TRIP12: variants seen among roughly 807,000 people sequenced by gnomAD.
TRIP12 encodes the protein thyroid hormone receptor interactor 12.
TRIP12 carries 25 observed loss-of-function variants against 244.2 expected under a neutral mutation model. That is an observed-to-expected ratio of 0.10 (90% CI 0.07 to 0.14). TRIP12 has a LOEUF of 0.14. TRIP12 is among the 10% of genes least tolerant of loss of function. TRIP12 has a pLI of 1.00. For synonymous variants in TRIP12, 905 were observed against 873.1 expected, an observed-to-expected ratio of 1.04 and a Z score of -0.64; for missense variants, 1,677 against 2,486.4, an observed-to-expected ratio of 0.67 and a Z score of 6.92.
At chr2:229,788,976 A>T in intron 31 of TRIP12, 36 bp from the exon 32 acceptor site, 2 of 1,549,342 alleles carry the variant, frequency 1.3e-6, no homozygotes, top group South Asian at 2.4e-5. Context: ...GTCTACATGT[A>T]GTAAAATATT....
intron 4 of TRIP12, among the ~76,000 whole-genome samples, chr2:229,847,778 C>T (rs1328460228): frequency 6.6e-6 from 1 of 152,174 alleles, no homozygotes; most frequent in Non-Finnish European, 1.5e-5. Flanking sequence ...ATCCTCAGAT[C>T]CTCTCCCACA....
chr2:229,913,758 T>C (rs1474135510), intron 1 of TRIP12, among the ~76,000 whole-genome samples: 3 of 152,216 alleles, frequency 2.0e-5, no homozygotes, highest in African/African-American at 2.4e-5. Context: ...ATGCATTATG[T>C]TGGAAGCCTT....
At chr2:229,776,693 C>T (rs1029035722) in intron 37 of TRIP12, among the ~76,000 whole-genome samples, 2 of 152,076 alleles carry the variant, frequency 1.3e-5, no homozygotes, top group Non-Finnish European at 2.9e-5. Flanking sequence ...CTTTTTGGGT[C>T]TGTGCCACAA....
chr2:229,804,800 T>C (rs938119712), intron 18 of TRIP12, among the ~76,000 whole-genome samples: 1 of 152,236 alleles, frequency 6.6e-6, no homozygotes, highest in Non-Finnish European at 1.5e-5. Context: ...TGTTCACATA[T>C]TGTATATGGC....
intron 26 of TRIP12, among the ~76,000 whole-genome samples, chr2:229,794,125 G>T (rs779162644): frequency 6.6e-6 from 1 of 152,048 alleles, no homozygotes; most frequent in African/African-American, 2.4e-5. Context: ...AAATCATAAC[G>T]ATCAAAACTG....
chr2:229,790,992 G>A (rs575457836), intron 30 of TRIP12, 132 bp downstream of exon 30: 1 of 1,159,736 alleles, frequency 8.6e-7, no homozygotes, highest in African/African-American at 1.5e-5. Flanking sequence ...TGATCAAACT[G>A]TTTGTAATGT....
chr2:229,810,351 T>C (rs1421722369), intron 15 of TRIP12, among the ~76,000 whole-genome samples: 1 of 152,072 alleles, frequency 6.6e-6, no homozygotes, highest in African/African-American at 2.4e-5. Context: ...TGTGTAAAGG[T>C]TTAGAAATAC....
rs1454132755 is a variant in TRIP12, at chr2:229,807,718, C to T, written c.2486G>A (p.Arg829Gln). Residue 829 changes from arginine to glutamine, a missense_variant, in exon 17 of 42, where the codon CGG becomes CAG. By Grantham distance (43) the Arg-to-Gln change is conservative (BLOSUM62 1). Around this residue, in one of 11 missense-constraint regions of TRIP12, gnomAD observed 572 missense variants for 867.8 expected, o/e 0.66. Coordinates refer to ENST00000675903, the MANE Select transcript of TRIP12 (RefSeq NM_001348323.3). Reference sequence around the variant, plus strand: ...CGATGAAACTACTACCTCAATGATCCGGCTGTCAATCCTGTTATATGGATG... The same window carrying T: ...CGATGAAACTACTACCTCAATGATCTGGCTGTCAATCCTGTTATATGGATG... ...LWHPYNRIDS[R>Q]IIEAAHQVGE... The T allele has an allele frequency of 3.1e-6, 5 of 1,614,110 alleles. No homozygotes were observed. Among genetic ancestry groups the T allele is most frequent in the East Asian group, 2.2e-5 (1 of 44,878 alleles).
intron 1 of TRIP12, among the ~76,000 whole-genome samples, chr2:229,914,062 G>A (rs917788751): frequency 6.6e-6 from 1 of 152,048 alleles, no homozygotes; most frequent in Non-Finnish European, 1.5e-5. Context: ...GAGGTCAGGA[G>A]TTGGAGACCA....
At chr2:229,916,119 G>T (rs750055703) in intron 1 of TRIP12, among the ~76,000 whole-genome samples, 91 of 152,316 alleles carry the variant, frequency 6.0e-4, no homozygotes, top group Non-Finnish European at 1.0e-3. Context: ...CAATTCATCT[G>T]TGGAGCCTAA....
chr2:229,767,381 G>T lies in TRIP12; in HGVS notation c.*173C>A. On this transcript the variant is annotated 3_prime_UTR_variant, in exon 42 of 42. Transcript: ENST00000675903. ...ACGTTTTAGGGCCTGATCACTTTAAGTCCATGGGGCCATTAATGAATATCA... is the reference window on the plus strand; with the variant it reads ...ACGTTTTAGGGCCTGATCACTTTAATTCCATGGGGCCATTAATGAATATCA... 3.1e-6 allele frequency: 2 copies of T among 648,046 alleles called. No individual in the cohort carries two copies. Among genetic ancestry groups the T allele is most frequent in the Non-Finnish European group, 4.7e-6 (2 of 424,164 alleles). 40.1% of individuals were successfully genotyped at this position (648,046 alleles called of 1,614,324 possible).
Position 229,799,038 on chromosome 2 carries a change from T to C in TRIP12, c.3319A>G (p.Thr1107Ala), listed in dbSNP as rs1315633081. 5 of 1,613,736 alleles carry C rather than the reference T, an allele frequency of 3.1e-6. No homozygotes were observed. In the African/African-American group the frequency reaches 4.0e-5, roughly 13 times the overall value. The change falls in exon 23 of 42, where the codon ACC becomes GCC. Residue 1107 changes from threonine (T) to alanine (A), a missense_variant. This residue lies in a region of TRIP12 where 572 missense variants were observed against 867.8 expected (regional missense o/e 0.66). Coordinates refer to ENST00000675903, the MANE Select transcript of TRIP12 (RefSeq NM_001348323.3). The part of the protein sequence containing the change: ...DKVDNQAKSP[T>A]TTQSPKSSFL... ...GAAGATTTAGGTGACTGAGTAGTGG[T>C]GGGGCTTTTAGCTATGAAAAGAAAA...
chr2:229,846,688 G>T (rs1026025357), intron 4 of TRIP12, among the ~76,000 whole-genome samples: 1 of 151,982 alleles, frequency 6.6e-6, no homozygotes, highest in African/African-American at 2.4e-5. Context: ...AAAATGAAAA[G>T]TAATCTATGA....
chr2:229,798,582 G>A (rs1165372198), intron 23 of TRIP12, among the ~76,000 whole-genome samples: 2 of 152,100 alleles, frequency 1.3e-5, no homozygotes, highest in Non-Finnish European at 2.9e-5. Context: ...TTCCTTGTCT[G>A]GAACAAAACT....
rs536586569 is a variant in TRIP12, at chr2:229,769,328, G to GT, written c.5809-4dup. ...CTGCCACAAAGGAGCTGATCCAGCTGTGAGTTTAAATAAGGGTAAAAAGAA... is the reference window on the plus strand; with the variant it reads ...CTGCCACAAAGGAGCTGATCCAGCTGTTGAGTTTAAATAAGGGTAAAAAGAA... On this transcript the variant is annotated splice_polypyrimidine_tract_variant and splice_region_variant and intron_variant, in intron 39 of 41. Transcript: ENST00000675903. 1,500 of 1,613,792 alleles carry GT rather than the reference G, an allele frequency of 9.3e-4. 4 individuals are homozygous for GT. Among genetic ancestry groups the GT allele is most frequent in the South Asian group, 1.2e-3 (113 of 91,046 alleles).
intron 37 of TRIP12, 65 bp from the exon 38 acceptor site, chr2:229,774,326 TAA>T: frequency 6.8e-7 from 1 of 1,477,270 alleles, no homozygotes; most frequent in Non-Finnish European, 9.2e-7. Flanking sequence ...TTTAAAAAAA[TAA>T]AAGATATCCT....
chr2:229,874,897 A>C (rs2063317047), intron 2 of TRIP12, among the ~76,000 whole-genome samples: 1 of 152,196 alleles, frequency 6.6e-6, no homozygotes, highest in African/African-American at 2.4e-5. Flanking sequence ...ATTAAATTCA[A>C]TCCTACCACT....
chr2:229,898,699 A>C (rs1331127198), intron 1 of TRIP12, among the ~76,000 whole-genome samples: 1 of 152,084 alleles, frequency 6.6e-6, no homozygotes, highest in Non-Finnish European at 1.5e-5. Flanking sequence ...ATTTTGTTTA[A>C]ATTTTTTTTT....
intron 1 of TRIP12, among the ~76,000 whole-genome samples, chr2:229,897,520 C>A (rs538103702): frequency 6.6e-6 from 1 of 152,074 alleles, no homozygotes; most frequent in African/African-American, 2.4e-5. Flanking sequence ...TGGTGGCATG[C>A]GCCTGTAATC....
Sources: gnomAD v4.1 joint callset for allele counts (sites outside exome capture counted in the v4.1 genomes callset) on GRCh38, gnomAD v4.1.1 for gene constraint, gnomAD v4.1.1 regional missense constraint, MANE v1.5 for transcripts, NCBI Gene and HGNC (gene_info 2026-07-23, HGNC 2026-07-21) for gene names.